Variants in HEPACAM observed in about 807,000 individuals in gnomAD.
The protein encoded by HEPACAM is hepatocyte cell adhesion molecule.
A neutral mutation model predicts 38.3 loss-of-function variants in HEPACAM; 18 were observed. The ratio of observed to expected loss-of-function variants is 0.47; its 90% confidence interval spans 0.33 to 0.70. The LOEUF is 0.70. Among genes scored for constraint, HEPACAM ranks in the 30% least tolerant of loss-of-function variants. HEPACAM has a pLI of 0.03. For missense variants in HEPACAM, 466 were observed against 563.0 expected (o/e 0.83, Z 1.74); for synonymous variants, 216 against 243.1 (o/e 0.89, Z 1.04).
At position 124,924,183 on chromosome 11, in the gene HEPACAM, G is replaced by A. The variant is rs1316693207; in HGVS notation, c.428-173C>T. ...GTTCTTTCCCATCGCTTATTCATTCGTTTCACTGACTATTTATGGAGCACC... is the reference window on the plus strand; with the variant it reads ...GTTCTTTCCCATCGCTTATTCATTCATTTCACTGACTATTTATGGAGCACC... On this transcript the variant is annotated intron_variant, in intron 2 of 6. Coordinates refer to ENST00000298251, the MANE Select transcript of HEPACAM (RefSeq NM_152722.5). The surrounding 1 kb of genome is among the most constrained non-coding windows in gnomAD (Gnocchi z 4.4). 2.0e-5 allele frequency among the ~76,000 whole-genome samples: 3 copies of A among 152,102 alleles called. No homozygotes were observed. The highest frequency in any genetic ancestry group is 2.9e-5 in the Non-Finnish European group (2 of 68,024).
rs746394666 is a variant in HEPACAM, at chr11:124,922,611, C to T, written c.877+134G>A. On this transcript the variant is annotated intron_variant, in intron 5 of 6. Coordinates refer to ENST00000298251, the MANE Select transcript of HEPACAM (RefSeq NM_152722.5). The stretch of plus-strand genomic sequence containing the variant: ...TACCTTGGCCAAACCTTTCCCTCCT[C>T]TGCAGTCTTCGTGCAGTTGGTGGGG... 6.5e-5 allele frequency: 104 copies of T among 1,611,346 alleles called. 1 individual carries two copies. The African/African-American group carries it at 1.2e-3, about 19-fold the overall frequency.
chr11:124,922,894 G>C, intron 4 of HEPACAM, 76 bp from the exon 5 acceptor site: 1 of 1,463,058 alleles, frequency 6.8e-7, no homozygotes, highest in Non-Finnish European at 9.6e-7. Context: ...CACAGGGAGG[G>C]ATCTGATGGC....
chr11:124,922,953 G>T, intron 4 of HEPACAM, 135 bp from the exon 5 acceptor site: 1 of 893,618 alleles, frequency 1.1e-6, no homozygotes, highest in Non-Finnish European at 1.9e-6. Flanking sequence ...CAGTTCATGA[G>T]CTTTGGAAGG....
At position 124,924,076 on chromosome 11, in the gene HEPACAM, G is replaced by C; in HGVS notation, c.428-66C>G. Reference sequence around the variant, plus strand: ...AGAAGTGTCTCCCTTCCCCTTTTTAGCTCCCTGCCTTCCAACACACCTTTA... The same window carrying C: ...AGAAGTGTCTCCCTTCCCCTTTTTACCTCCCTGCCTTCCAACACACCTTTA... On this transcript the variant is annotated intron_variant, in intron 2 of 6. Coordinates refer to ENST00000298251, the MANE Select transcript of HEPACAM (RefSeq NM_152722.5). The surrounding 1 kb of genome is among the most constrained non-coding windows in gnomAD (Gnocchi z 4.4). 40 of 1,481,636 alleles carry C rather than the reference G, an allele frequency of 2.7e-5. No homozygotes were observed. Among genetic ancestry groups the C allele is most frequent in the Non-Finnish European group, 3.6e-5 (39 of 1,093,724 alleles). 91.8% of individuals were successfully genotyped at this position (1,481,636 alleles called of 1,614,324 possible).
At chr11:124,930,318 T>C (rs1372632928) in intron 1 of HEPACAM, among the ~76,000 whole-genome samples, 1 of 152,196 alleles carries the variant, frequency 6.6e-6, no homozygotes, top group Non-Finnish European at 1.5e-5. Context: ...ATTGTGTGGA[T>C]GTTGGGGCTG....
At chr11:124,922,881 G>T in intron 4 of HEPACAM, 63 bp from the exon 5 acceptor site, 1 of 1,539,450 alleles carries the variant, frequency 6.5e-7, no homozygotes, top group Non-Finnish European at 9.0e-7. Flanking sequence ...GATCCAGTGG[G>T]GACACAGGGA....
At position 124,921,120 on chromosome 11, in the gene HEPACAM, A is replaced by G; in HGVS notation, c.*18T>C. On this transcript the variant is annotated 3_prime_UTR_variant, in exon 7 of 7. Coordinates refer to ENST00000298251, the MANE Select transcript of HEPACAM (RefSeq NM_152722.5). The surrounding 1 kb of genome is among the most constrained non-coding windows in gnomAD (Gnocchi z 4.6). Reference sequence around the variant, plus strand: ...TGGCCGCAGACCGCGGGCGCCTCTCAGGGGATCCCGAGGCGGCTCAGGCGC... The same window carrying G: ...TGGCCGCAGACCGCGGGCGCCTCTCGGGGGATCCCGAGGCGGCTCAGGCGC... 1 of 1,524,246 alleles carries G rather than the reference A, an allele frequency of 6.6e-7. No homozygotes were observed. The highest frequency in any genetic ancestry group is 8.8e-7 in the Non-Finnish European group (1 of 1,142,370). The allele number at this position is 1,524,246 out of a possible 1,614,324, so 94.4% of individuals were successfully genotyped here.
intron 1 of HEPACAM, among the ~76,000 whole-genome samples, chr11:124,926,237 T>C (rs1947206356): frequency 6.6e-6 from 1 of 152,032 alleles, no homozygotes; most frequent in African/African-American, 2.4e-5. Flanking sequence ...CAACAGCAAC[T>C]GCCTTATCAA....
rs78056195 is a variant in HEPACAM, at chr11:124,930,141, T to C, written c.86-5072A>G. ...TCTTCAACTGTGTTATTTCCTTTTATGGTGTGGTAGCCAGAACTGCATCTA... is the reference window on the plus strand; with the variant it reads ...TCTTCAACTGTGTTATTTCCTTTTACGGTGTGGTAGCCAGAACTGCATCTA... On this transcript the variant is annotated intron_variant, in intron 1 of 6. Transcript: ENST00000298251. Among the ~76,000 whole-genome samples the C allele has an allele frequency of 3.2e-3, 489 of 152,336 alleles. 1 individual carries two copies. Among genetic ancestry groups the C allele is most frequent in the South Asian group, 0.012 (58 of 4,828 alleles).
At chr11:124,927,720 A>T (rs1019200054) in intron 1 of HEPACAM, among the ~76,000 whole-genome samples, 8 of 151,860 alleles carry the variant, frequency 5.3e-5, no homozygotes, top group African/African-American at 1.9e-4. Context: ...TTAGAACCAT[A>T]AAACCTTAAA....
At chr11:124,927,051 T>C (rs1466245360) in intron 1 of HEPACAM, among the ~76,000 whole-genome samples, 1 of 152,060 alleles carries the variant, frequency 6.6e-6, no homozygotes, top group Non-Finnish European at 1.5e-5. Context: ...TTGTATTTTT[T>C]AGTAGAGACG....
Position 124,920,677 on chromosome 11 carries a change from G to GAAAAAAA in HEPACAM, c.*460_*461insTTTTTTT, listed in dbSNP as rs1565336612. On this transcript the variant is annotated 3_prime_UTR_variant, in exon 7 of 7. Coordinates refer to ENST00000298251, the MANE Select transcript of HEPACAM (RefSeq NM_152722.5). Reference sequence around the variant, plus strand: ...AAAGTGGCCTCTCTAATCTGAACTTGCAAAAAAAAAAAAAAAAAAAAAAAA... The same window carrying GAAAAAAA: ...AAAGTGGCCTCTCTAATCTGAACTTGAAAAAAACAAAAAAAAAAAAAAAAAAAAAAAA... 2.2e-3 allele frequency: 236 copies of GAAAAAAA among 108,098 alleles called. 12 individuals carry two copies. The African/African-American group carries it at 0.038, about 18-fold the overall frequency. 6.7% of individuals were successfully genotyped at this position (108,098 alleles called of 1,614,324 possible).
Position 124,919,661 on chromosome 11 carries a change from A to C in HEPACAM, c.*1477T>G. 7.1e-7 allele frequency: 1 copy of C among 1,417,406 alleles called. No homozygotes were observed. Among genetic ancestry groups the C allele is most frequent in the Non-Finnish European group, 9.7e-7 (1 of 1,036,260 alleles). 87.8% of individuals were successfully genotyped at this position (1,417,406 alleles called of 1,614,324 possible). On this transcript the variant is annotated 3_prime_UTR_variant, in exon 7 of 7. Transcript: ENST00000298251. ...GTGCCGAGGGACAGGGAGCTGAGAC[A>C]GGCATGCTGTGGGGTTCAGGGCAGA...
Position 124,921,382 on chromosome 11 carries a change from C to A in HEPACAM, c.1007G>T (p.Gly336Val). 1.6e-6 allele frequency: 2 copies of A among 1,271,550 alleles called. No individual in the cohort carries two copies. Among genetic ancestry groups the A allele is most frequent in the Admixed American group, 3.9e-5 (1 of 25,674 alleles). 78.8% of individuals were successfully genotyped at this position (1,271,550 alleles called of 1,614,324 possible). A position where few individuals can be genotyped will look rare whatever the true frequency, so the allele number is the denominator to read the frequency against. ...GGGAGACACGGAGTAGCCGGGCGGG[C>A]CGGGCTCCGTCGCGCTTCGAGGCTC... ...APEPRSATEP[G>V]PPGYSVSPAV... Residue 336 changes from glycine (G) to valine (V), a missense_variant, in exon 7 of 7, where the codon GGC becomes GTC. Physicochemically the swap from Gly to Val is moderately radical, Grantham distance 109. Coordinates refer to ENST00000298251, the MANE Select transcript of HEPACAM (RefSeq NM_152722.5). This position sits in a 1 kb window ranked among gnomAD's most constrained non-coding sequence, Gnocchi z 4.6.
In HEPACAM at chr11:124,927,510, G is replaced by GTTTTTT. The variant is rs763291809; in HGVS notation, c.86-2447_86-2442dup. ...GGCATGTGCCACTATGCCCAGCTAG[G>GTTTTTT]TTTTTTTTTTTTGTTTTTTTTTTTT... On this transcript the variant is annotated intron_variant, in intron 1 of 6. Coordinates refer to ENST00000298251, the MANE Select transcript of HEPACAM (RefSeq NM_152722.5). 8.2e-4 allele frequency among the ~76,000 whole-genome samples: 81 copies of GTTTTTT among 99,194 alleles called. 2 individuals are homozygous for GTTTTTT. The highest frequency in any genetic ancestry group is 1.4e-3 in the African/African-American group (33 of 23,872). The allele number at this position is 99,194 out of a possible 152,430, so 65.1% of individuals were successfully genotyped here. A position where few individuals can be genotyped will look rare whatever the true frequency, so the allele number is the denominator to read the frequency against.
chr11:124,920,678 C>CAAAAAAAAA lies in HEPACAM; in HGVS notation c.*451_*459dup, dbSNP rs71042463. 230 of 574,876 alleles carry CAAAAAAAAA rather than the reference C, an allele frequency of 4.0e-4. 2 individuals are homozygous for CAAAAAAAAA. Among genetic ancestry groups the CAAAAAAAAA allele is most frequent in the African/African-American group, 6.0e-4 (13 of 21,512 alleles). 35.6% of individuals were successfully genotyped at this position (574,876 alleles called of 1,614,324 possible). A position where few individuals can be genotyped will look rare whatever the true frequency, so the allele number is the denominator to read the frequency against. The stretch of plus-strand genomic sequence containing the variant: ...AAGTGGCCTCTCTAATCTGAACTTG[C>CAAAAAAAAA]AAAAAAAAAAAAAAAAAAAAAAAAA... On this transcript the variant is annotated 3_prime_UTR_variant, in exon 7 of 7. Transcript: ENST00000298251.
chr11:124,924,098 T>C lies in HEPACAM; in HGVS notation c.428-88A>G, dbSNP rs1947176334. 1 of 1,254,144 alleles carries C rather than the reference T, an allele frequency of 8.0e-7. No individual in the cohort carries two copies. Among genetic ancestry groups the C allele is most frequent in the Non-Finnish European group, 1.1e-6 (1 of 890,322 alleles). 77.7% of individuals were successfully genotyped at this position (1,254,144 alleles called of 1,614,324 possible). A position where few individuals can be genotyped will look rare whatever the true frequency, so the allele number is the denominator to read the frequency against. ...TTAGCTCCCTGCCTTCCAACACACC[T>C]TTAACACTACCTTCCAACTCAATCT... On this transcript the variant is annotated intron_variant, in intron 2 of 6. Coordinates refer to ENST00000298251, the MANE Select transcript of HEPACAM (RefSeq NM_152722.5). This position sits in a 1 kb window ranked among gnomAD's most constrained non-coding sequence, Gnocchi z 4.4.
chr11:124,921,186 G>A lies in HEPACAM; in HGVS notation c.1203C>T (p.His401=). ...ASRTLRTAGV[H]IIREQDEAGP... Reference sequence around the variant, plus strand: ...CGGCCTCGTCTTGCTCGCGGATTATGTGCACGCCCGCAGTCCGCAGTGTGC... The same window carrying A: ...CGGCCTCGTCTTGCTCGCGGATTATATGCACGCCCGCAGTCCGCAGTGTGC... The change falls in exon 7 of 7, where the codon CAC becomes CAT. Residue 401 remains histidine, a synonymous_variant. Coordinates refer to ENST00000298251, the MANE Select transcript of HEPACAM (RefSeq NM_152722.5). This position sits in a 1 kb window ranked among gnomAD's most constrained non-coding sequence, Gnocchi z 4.6. 1.3e-6 allele frequency: 2 copies of A among 1,524,566 alleles called. No individual in the cohort carries two copies. The highest frequency in any genetic ancestry group is 2.4e-5 in the South Asian group (2 of 83,068). The allele number at this position is 1,524,566 out of a possible 1,614,324, so 94.4% of individuals were successfully genotyped here. A position where few individuals can be genotyped will look rare whatever the true frequency, so the allele number is the denominator to read the frequency against.
chr11:124,935,411 C>T (rs1228008976), intron 1 of HEPACAM, among the ~76,000 whole-genome samples: 5 of 152,034 alleles, frequency 3.3e-5, no homozygotes, highest in Admixed American at 3.3e-4. Context: ...AGGAGGTAAG[C>T]AGCTATGGAG....
Sources: allele counts gnomAD v4.1 joint callset (sites outside exome capture counted in the v4.1 genomes callset), GRCh38; gene constraint gnomAD v4.1.1; non-coding constraint Gnocchi (gnomAD v3.1); transcripts MANE v1.5; gene names NCBI Gene and HGNC (gene_info 2026-07-23, HGNC 2026-07-21).